Variants in SLC24A3 observed in about 807,000 individuals in gnomAD.
The protein encoded by SLC24A3 is sodium/potassium/calcium exchanger 3.
Under a neutral mutation model 75.8 loss-of-function variants are expected in SLC24A3, and 28 were observed. That is an observed-to-expected ratio of 0.37 (90% CI 0.27 to 0.51). SLC24A3 has a LOEUF of 0.51. Ranked by LOEUF, SLC24A3 falls within the 20% of genes least tolerant of loss-of-function variation. The pLI, the probability that SLC24A3 is intolerant of heterozygous loss-of-function variation, is 0.94. For synonymous variants in SLC24A3, 372 were observed against 334.1 expected (o/e 1.11, Z -1.24); for missense variants, 663 against 847.8 (o/e 0.78, Z 2.71).
intron 6 of SLC24A3, among the ~76,000 whole-genome samples, chr20:19,641,509 T>G (rs1387378856): frequency 6.6e-6 from 1 of 152,198 alleles, no homozygotes; most frequent in Non-Finnish European, 1.5e-5. Flanking sequence ...CTGAAGCATG[T>G]ACAAAATGCG....
chr20:19,620,532 G>T (rs147546166), intron 6 of SLC24A3, among the ~76,000 whole-genome samples: 2 of 152,346 alleles, frequency 1.3e-5, no homozygotes, highest in East Asian at 3.9e-4. Flanking sequence ...TGGCAACAAA[G>T]CAGAAGTTCA....
intron 2 of SLC24A3, among the ~76,000 whole-genome samples, chr20:19,380,415 C>G (rs1986160715): frequency 6.6e-6 from 1 of 152,160 alleles, no homozygotes; most frequent in African/African-American, 2.4e-5. Flanking sequence ...TCAAGAACAG[C>G]AGGAGGCTGC....
chr20:19,411,392 G>C (rs1211493100), intron 2 of SLC24A3, among the ~76,000 whole-genome samples: 2 of 152,200 alleles, frequency 1.3e-5, no homozygotes, highest in Non-Finnish European at 2.9e-5. Context: ...GTGGTATCCT[G>C]TTAGTTGGCA....
At chr20:19,678,381 A>T (rs1356909452) in intron 9 of SLC24A3, among the ~76,000 whole-genome samples, 1 of 116,656 alleles carries the variant, frequency 8.6e-6, no homozygotes, top group Non-Finnish European at 1.8e-5. Flanking sequence ...CTGGCCGGGC[A>T]GAGGGGCTCC....
At chr20:19,236,623 G>A (rs1393524354) in intron 1 of SLC24A3, among the ~76,000 whole-genome samples, 1 of 152,164 alleles carries the variant, frequency 6.6e-6, no homozygotes, top group Admixed American at 6.5e-5. Flanking sequence ...AGGCATGGTG[G>A]TGCATGCCTG....
intron 9 of SLC24A3, among the ~76,000 whole-genome samples, chr20:19,677,686 C>CTTTTTTTTTTTTTTTTTT (rs796484728): frequency 3.5e-5 from 4 of 113,928 alleles, no homozygotes; most frequent in Non-Finnish European, 5.4e-5. Flanking sequence ...TTTTTTTTTT[C>CTTTTTTTTTTTTTTTTTT]TTTTTTTTTT....
At chr20:19,353,039 T>G (rs1985604731) in intron 2 of SLC24A3, among the ~76,000 whole-genome samples, 2 of 152,228 alleles carry the variant, frequency 1.3e-5, no homozygotes, top group Admixed American at 1.3e-4. Flanking sequence ...GAGTATTCAG[T>G]GCACTGTCGT....
At chr20:19,520,418 T>C (rs2122563366) in intron 3 of SLC24A3, among the ~76,000 whole-genome samples, 1 of 152,166 alleles carries the variant, frequency 6.6e-6, no homozygotes, top group East Asian at 1.9e-4. Context: ...ACGTGGGAGG[T>C]CCCTGGCCAT....
At chr20:19,329,459 C>T (rs6046002) in intron 2 of SLC24A3, among the ~76,000 whole-genome samples, 5,537 of 152,240 alleles carry the variant, frequency 0.036, 341 homozygotes, top group African/African-American at 0.13. Context: ...GGAAACACAA[C>T]GAGATGCTCT....
At chr20:19,443,414 AT>A (rs1184410453) in intron 2 of SLC24A3, among the ~76,000 whole-genome samples, 2 of 151,916 alleles carry the variant, frequency 1.3e-5, no homozygotes, top group African/African-American at 4.8e-5. Flanking sequence ...TTTATACTTA[AT>A]TTTTTGTTAT....
At chr20:19,320,191 C>T (rs892848691) in intron 2 of SLC24A3, among the ~76,000 whole-genome samples, 6 of 152,216 alleles carry the variant, frequency 3.9e-5, no homozygotes, top group Non-Finnish European at 5.9e-5. Flanking sequence ...GCTTTGTTTT[C>T]TGTCGGGCGC....
At chr20:19,489,874 T>C (rs2122528960) in intron 2 of SLC24A3, among the ~76,000 whole-genome samples, 1 of 152,354 alleles carries the variant, frequency 6.6e-6, no homozygotes, top group South Asian at 2.1e-4. Flanking sequence ...AATGTGCCGT[T>C]CTTCACTGTT....
chr20:19,467,579 T>C (rs1454373455), intron 2 of SLC24A3, among the ~76,000 whole-genome samples: 1 of 151,928 alleles, frequency 6.6e-6, no homozygotes, highest in Non-Finnish European at 1.5e-5. Flanking sequence ...GACAACTCAG[T>C]TAGAAAATGA....
chr20:19,471,884 C>T lies in SLC24A3; in HGVS notation c.272-43604C>T, dbSNP rs6136747. On this transcript the variant is annotated intron_variant, in intron 2 of 16. Transcript: ENST00000328041. ...TTCAAACGGTTCCTTTAAAAAAGAG[C>T]AACATTTGAAAATCGAAAATATGAA... 8.7e-3 allele frequency among the ~76,000 whole-genome samples: 1,321 copies of T among 152,192 alleles called. 40 individuals carry two copies. The East Asian group carries it at 0.11, about 13-fold the overall frequency.
intron 2 of SLC24A3, among the ~76,000 whole-genome samples, chr20:19,409,401 C>A (rs1162331211): frequency 6.6e-6 from 1 of 152,064 alleles, no homozygotes; most frequent in African/African-American, 2.4e-5. Flanking sequence ...AGGTGAAGAC[C>A]AGGGTGTGCA....
chr20:19,678,251 G>T (rs1456045101), intron 9 of SLC24A3, among the ~76,000 whole-genome samples: 3 of 149,672 alleles, frequency 2.0e-5, no homozygotes, highest in Admixed American at 6.6e-5. Flanking sequence ...TGGTGGCCGG[G>T]CAGAGGGGCT....
chr20:19,467,133 G>GA (rs1427161459), intron 2 of SLC24A3, among the ~76,000 whole-genome samples: 7 of 152,118 alleles, frequency 4.6e-5, no homozygotes, highest in African/African-American at 1.7e-4. Context: ...TGTTGGATGG[G>GA]AAAAATGGAT....
At chr20:19,309,960 C>T (rs117436614) in intron 2 of SLC24A3, among the ~76,000 whole-genome samples, 2,722 of 152,190 alleles carry the variant, frequency 0.018, 33 homozygotes, top group Non-Finnish European at 0.027. Context: ...ACTCTTCCTG[C>T]TATCAGTGTC....
At chr20:19,417,681 T>C (rs1367569010) in intron 2 of SLC24A3, among the ~76,000 whole-genome samples, 1 of 152,232 alleles carries the variant, frequency 6.6e-6, no homozygotes. Flanking sequence ...AGATATGCTC[T>C]CTTCCCATAC....
Sources: allele counts gnomAD v4.1 joint callset (sites outside exome capture counted in the v4.1 genomes callset), GRCh38; gene constraint gnomAD v4.1.1; transcripts MANE v1.5; gene names NCBI Gene and HGNC (gene_info 2026-07-23, HGNC 2026-07-21).